Variants in STK32B observed in about 807,000 individuals in gnomAD.
STK32B encodes the protein serine/threonine-protein kinase 32B.
A neutral mutation model predicts 52.6 loss-of-function variants in STK32B; 43 were observed. That is an observed-to-expected ratio of 0.82 (90% confidence interval 0.64 to 1.05). The LOEUF is 1.05. Ranked by LOEUF, STK32B falls within the 50% of genes least tolerant of loss-of-function variation. The pLI, the probability that STK32B is intolerant of heterozygous loss-of-function variation, is 0.00. For synonymous variants in STK32B, 238 were observed against 204.3 expected, an observed-to-expected ratio of 1.17 and a Z score of -1.41; for missense variants, 621 against 534.6, an observed-to-expected ratio of 1.16 and a Z score of -1.59.
At chr4:5,250,288 A>G (rs1261476061) in intron 3 of STK32B, among the ~76,000 whole-genome samples, 1 of 151,554 alleles carries the variant, frequency 6.6e-6, no homozygotes, top group African/African-American at 2.4e-5. Context: ...TAGTGGAATG[A>G]ATGGTAATTC....
intron 2 of STK32B, among the ~76,000 whole-genome samples, chr4:5,161,411 G>C (rs139864662): frequency 6.6e-6 from 1 of 152,318 alleles, no homozygotes; most frequent in African/African-American, 2.4e-5. Context: ...TCCATGATAG[G>C]AGGTTCAGCA....
At chr4:5,306,941 G>A (rs180928683) in intron 3 of STK32B, among the ~76,000 whole-genome samples, 229 of 148,794 alleles carry the variant, frequency 1.5e-3, no homozygotes, top group African/African-American at 5.2e-3. Flanking sequence ...AAACTGTTTT[G>A]TTTAAGGAGG....
intron 1 of STK32B, among the ~76,000 whole-genome samples, chr4:5,128,497 G>C (rs1715548406): frequency 6.6e-6 from 1 of 152,220 alleles, no homozygotes; most frequent in African/African-American, 2.4e-5. Context: ...TTTCCTGAGT[G>C]CTTATAGATT....
chr4:5,460,330 CA>C lies in STK32B; in HGVS notation c.909+103del. ...GCTGGCTAGTGAGCCCTCTGCTGGCCACTTCCACCTGAGCACCAAGGGCTTA... is the reference window on the plus strand; with the variant it reads ...GCTGGCTAGTGAGCCCTCTGCTGGCCCTTCCACCTGAGCACCAAGGGCTTA... On this transcript the variant is annotated intron_variant, in intron 9 of 11. Transcript: ENST00000282908. The surrounding 1 kb of genome is among the most constrained non-coding windows in gnomAD (Gnocchi z 4.8). The C allele has an allele frequency of 6.7e-7, 1 of 1,493,270 alleles. No individual in the cohort carries two copies. The highest frequency in any genetic ancestry group is 2.2e-5 in the Admixed American group (1 of 45,582). 92.5% of individuals were successfully genotyped at this position (1,493,270 alleles called of 1,614,324 possible).
intron 3 of STK32B, among the ~76,000 whole-genome samples, chr4:5,254,106 G>A (rs1726138138): frequency 6.6e-6 from 1 of 152,156 alleles, no homozygotes; most frequent in African/African-American, 2.4e-5. Flanking sequence ...TGTAGATAAA[G>A]GACTACTGAG....
At chr4:5,110,272 CAAAAAAA>C (rs367760309) in intron 1 of STK32B, among the ~76,000 whole-genome samples, 2 of 106,720 alleles carry the variant, frequency 1.9e-5, no homozygotes, top group African/African-American at 6.9e-5. Context: ...CATATGGAAC[CAAAAAAA>C]AAAAAAAAAA....
intron 4 of STK32B, among the ~76,000 whole-genome samples, chr4:5,397,653 T>G (rs1336884863): frequency 3.3e-5 from 5 of 152,198 alleles, no homozygotes; most frequent in African/African-American, 1.2e-4. Flanking sequence ...TCTGTGGGTG[T>G]GTGTACGTGT....
intron 1 of STK32B, among the ~76,000 whole-genome samples, chr4:5,111,672 T>C (rs1372153049): frequency 2.0e-5 from 3 of 152,084 alleles, no homozygotes; most frequent in Non-Finnish European, 4.4e-5. Flanking sequence ...ATATGGATGA[T>C]GGGTACACTA....
intron 1 of STK32B, among the ~76,000 whole-genome samples, chr4:5,103,906 G>T: frequency 6.6e-6 from 1 of 152,046 alleles, no homozygotes; most frequent in Admixed American, 6.6e-5. Context: ...GAGTTCACTC[G>T]GATACCTTAA....
chr4:5,251,226 GT>G (rs1424553301), intron 3 of STK32B, among the ~76,000 whole-genome samples: 4 of 152,180 alleles, frequency 2.6e-5, no homozygotes, highest in Middle Eastern at 3.4e-3. Context: ...TCTTGTGTTG[GT>G]TTTTGTATAT....
intron 3 of STK32B, among the ~76,000 whole-genome samples, chr4:5,220,596 G>T (rs1577208098): frequency 6.6e-6 from 1 of 152,220 alleles, no homozygotes; most frequent in Admixed American, 6.5e-5. Flanking sequence ...TAGAATTGAG[G>T]CTGGAAAGGC....
At chr4:5,144,733 G>C (rs943477170) in intron 2 of STK32B, among the ~76,000 whole-genome samples, 3 of 152,126 alleles carry the variant, frequency 2.0e-5, no homozygotes, top group African/African-American at 7.2e-5. Context: ...TTTGTGTGGA[G>C]TTTATATAAA....
At chr4:5,044,896 G>C in the STK32B span, among the ~76,000 whole-genome samples, 2 of 152,156 alleles carry the variant, frequency 1.3e-5, no homozygotes, top group Non-Finnish European at 2.9e-5. Context: ...CAGTGACAGA[G>C]TGAGATCCTG....
intron 9 of STK32B, among the ~76,000 whole-genome samples, chr4:5,463,478 T>TCAA (rs3836546): frequency 2.6e-5 from 4 of 151,648 alleles, no homozygotes; most frequent in Non-Finnish European, 5.9e-5. Flanking sequence ...ACTCACACAC[T>TCAA]CAGTCACACT....
intron 1 of STK32B, among the ~76,000 whole-genome samples, chr4:5,128,992 G>A (rs1009529461): frequency 1.3e-5 from 2 of 152,202 alleles, no homozygotes; most frequent in African/African-American, 4.8e-5. Context: ...GAGAGCTGTC[G>A]ATTCCAGCCC....
chr4:5,129,067 A>G (rs1472474318), intron 1 of STK32B, among the ~76,000 whole-genome samples: 3 of 152,212 alleles, frequency 2.0e-5, no homozygotes, highest in African/African-American at 7.2e-5. Context: ...AAAATCGCAC[A>G]CCTAAATAGT....
chr4:5,116,184 G>GCACACACACACACACACA (rs146380270), intron 1 of STK32B, among the ~76,000 whole-genome samples: 5 of 149,048 alleles, frequency 3.4e-5, no homozygotes, highest in African/African-American at 1.2e-4. Flanking sequence ...GTGCATGCAC[G>GCACACACACACACACACA]CACACACACA....
At chr4:5,094,513 G>C (rs1459396609) in intron 1 of STK32B, among the ~76,000 whole-genome samples, 1 of 152,064 alleles carries the variant, frequency 6.6e-6, no homozygotes, top group African/African-American at 2.4e-5. Context: ...AACTAGGTGG[G>C]CATGGTGGTG....
intron 3 of STK32B, among the ~76,000 whole-genome samples, chr4:5,244,978 A>T (rs1332195452): frequency 6.6e-6 from 1 of 152,144 alleles, no homozygotes; most frequent in Admixed American, 6.6e-5. Context: ...GCATTTGCTG[A>T]GGAGTGCTTT....
Sources: gnomAD v4.1 joint callset for allele counts (sites outside exome capture counted in the v4.1 genomes callset) on GRCh38, gnomAD v4.1.1 for gene constraint, Gnocchi (gnomAD v3.1) non-coding constraint, MANE v1.5 for transcripts, NCBI Gene and HGNC (gene_info 2026-07-23, HGNC 2026-07-21) for gene names.